Variants in PDXDC1 observed in about 807,000 individuals in gnomAD.
The protein encoded by PDXDC1 is pyridoxal-dependent decarboxylase domain-containing protein 1.
A neutral mutation model predicts 100.1 loss-of-function variants in PDXDC1; 42 were observed. The observed-to-expected ratio is 0.42, with a 90% CI of 0.33 to 0.54. The LOEUF is 0.54. Ranked by LOEUF, PDXDC1 falls within the 20% of genes least tolerant of loss-of-function variation. The pLI, the probability that PDXDC1 is intolerant of heterozygous loss-of-function variation, is 0.10. For missense variants in PDXDC1, 636 were observed against 979.2 expected, an observed-to-expected ratio of 0.65 and a Z score of 4.68; for synonymous variants, 260 against 371.7, an observed-to-expected ratio of 0.70 and a Z score of 3.46.
chr16:15,094,496 C>T (rs2046280987), intron 16 of PDXDC1: 2 of 539,076 alleles, frequency 3.7e-6, no homozygotes, highest in Non-Finnish European at 6.5e-6. Flanking sequence ...CTGAGGATCC[C>T]GAAGAAAGGG....
chr16:15,003,463 G>T, intron 4 of PDXDC1, among the ~76,000 whole-genome samples: 1 of 152,140 alleles, frequency 6.6e-6, no homozygotes, highest in East Asian at 1.9e-4. Context: ...TGATCCGCCC[G>T]CCTTGGCCTC....
At chr16:15,128,217 C>T (rs775279651) in intron 16 of PDXDC1, 3 of 1,611,288 alleles carry the variant, frequency 1.9e-6, no homozygotes, top group East Asian at 2.2e-5. Context: ...AGGGTCCGCA[C>T]AGACCTTTGT....
chr16:15,064,059 T>C (rs60983572), intron 16 of PDXDC1, among the ~76,000 whole-genome samples: 15,615 of 152,272 alleles, frequency 0.1, 949 homozygotes, highest in East Asian at 0.24. Flanking sequence ...ATGATGCTGC[T>C]AGTTATTTTA....
intron 16 of PDXDC1, chr16:15,133,232 A>T: frequency 7.3e-7 from 1 of 1,366,132 alleles, no homozygotes; most frequent in Non-Finnish European, 1.0e-6. Flanking sequence ...CGCATGCAGC[A>T]GATGTGAGGT....
intron 16 of PDXDC1, among the ~76,000 whole-genome samples, chr16:15,096,661 C>G (rs1187339736): frequency 6.6e-6 from 1 of 152,238 alleles, no homozygotes; most frequent in African/African-American, 2.4e-5. Flanking sequence ...AATAGCAAAA[C>G]AGCAATCTGA....
the PDXDC1 span, among the ~76,000 whole-genome samples, chr16:15,148,857 C>G: frequency 1.3e-4 from 20 of 152,170 alleles, no homozygotes; most frequent in Non-Finnish European, 2.9e-4. Flanking sequence ...AAAGCCTCCC[C>G]ATCCCTTCCC....
intron 16 of PDXDC1, among the ~76,000 whole-genome samples, chr16:15,066,194 C>T (rs1223335032): frequency 6.6e-6 from 1 of 152,164 alleles, no homozygotes; most frequent in Non-Finnish European, 1.5e-5. Context: ...GAGGACACAT[C>T]AGCAAAACCA....
chr16:15,076,930 C>T (rs1241600314), intron 16 of PDXDC1, among the ~76,000 whole-genome samples: 2 of 151,724 alleles, frequency 1.3e-5, no homozygotes, highest in African/African-American at 4.8e-5. Flanking sequence ...ACAAATTCAA[C>T]ATTTATTCTA....
intron 1 of PDXDC1, among the ~76,000 whole-genome samples, chr16:14,978,082 C>T: frequency 6.6e-6 from 1 of 151,970 alleles, no homozygotes. Flanking sequence ...ATAACAGAGC[C>T]ATTTTCTCGT....
rs2043087940 is a variant in PDXDC1 at position 15,031,907 on chromosome 16, G to A, written c.1571+1G>A. On this transcript the variant is annotated splice_donor_variant, in intron 17 of 22. Transcript: ENST00000396410. LOFTEE classifies it high-confidence loss of function. Reference sequence around the variant, plus strand: ...ACTGGTCTGGAATAGGGGTTGTCAGGTAAAGTCTTGGCCTGCCGCTTGATG... The same window carrying A: ...ACTGGTCTGGAATAGGGGTTGTCAGATAAAGTCTTGGCCTGCCGCTTGATG... 3 of 1,599,448 alleles carry A rather than the reference G, an allele frequency of 1.9e-6. No individual in the cohort carries two copies. Among genetic ancestry groups the A allele is most frequent in the Non-Finnish European group, 2.6e-6 (3 of 1,171,262 alleles).
Position 15,037,714 on chromosome 16 carries a change from T to TTACAAAA in PDXDC1, c.*1440_*1446dup, listed in dbSNP as rs966986222. ...CAGTGAATTCAGTTTATAAATCTTA[T>TTACAAAA]TACAAAAGACTTACCCACGTACCTG... On this transcript the variant is annotated 3_prime_UTR_variant, in exon 23 of 23. Transcript: ENST00000396410. The TTACAAAA allele has an allele frequency of 4.5e-6, 1 of 221,612 alleles. No homozygotes were observed. The highest frequency in any genetic ancestry group is 9.9e-5 in the East Asian group (1 of 10,084). The allele number at this position is 221,612 out of a possible 1,614,324, so 13.7% of individuals were successfully genotyped here.
downstream of PDXDC1, among the ~76,000 whole-genome samples, chr16:15,144,172 GA>G (rs1263063843): frequency 6.6e-6 from 1 of 152,198 alleles, no homozygotes; most frequent in Non-Finnish European, 1.5e-5. Context: ...CCAGGGTGAG[GA>G]AATGGGGTGC....
intron 16 of PDXDC1, among the ~76,000 whole-genome samples, chr16:15,059,869 C>T (rs751891853): frequency 1.3e-5 from 2 of 152,002 alleles, no homozygotes; most frequent in Non-Finnish European, 2.9e-5. Flanking sequence ...ATAGTGCACA[C>T]GGAAACCATC....
intron 16 of PDXDC1, among the ~76,000 whole-genome samples, chr16:15,079,356 G>A (rs145059986): frequency 4.1e-4 from 63 of 152,244 alleles, no homozygotes; most frequent in African/African-American, 1.5e-3. Context: ...CTTAAGAAAG[G>A]CCAAACAGGA....
chr16:15,076,847 A>G (rs2045477577), intron 16 of PDXDC1, among the ~76,000 whole-genome samples: 2 of 152,170 alleles, frequency 1.3e-5, no homozygotes, highest in Admixed American at 6.5e-5. Flanking sequence ...AATATAATAA[A>G]CCAAGCCCCT....
rs1050825037 is a variant in PDXDC1 at position 15,080,233 on chromosome 16, A to T, written c.1399+50177A>T. ...AAACAGACTATCCAGCAATACAAAA[A>T]CTATACTGTTTCTACATGTATTATG... On this transcript the variant is annotated intron_variant, in intron 16 of 16. Transcript: ENST00000535621. The T allele has an allele frequency of 1.3e-5, 15 of 1,119,282 alleles. No individual in the cohort carries two copies. The Admixed American group carries it at 4.0e-4, about 30-fold the overall frequency. 69.3% of individuals were successfully genotyped at this position (1,119,282 alleles called of 1,614,324 possible).
At chr16:15,007,748 G>C (rs916840885) in intron 6 of PDXDC1, among the ~76,000 whole-genome samples, 1 of 152,270 alleles carries the variant, frequency 6.6e-6, no homozygotes, top group African/African-American at 2.4e-5. Flanking sequence ...ATAATCCTCT[G>C]AAACGTGAAA....
chr16:14,975,455 C>A (rs1229124439), intron 1 of PDXDC1: 213 of 985,232 alleles, frequency 2.2e-4, no homozygotes, highest in Non-Finnish European at 2.4e-4. Flanking sequence ...CGGTGGGGGC[C>A]GCGACGGGCC....
At chr16:15,101,327 T>A (rs1025662473) in intron 16 of PDXDC1, among the ~76,000 whole-genome samples, 9 of 152,218 alleles carry the variant, frequency 5.9e-5, no homozygotes, top group African/African-American at 1.9e-4. Context: ...TTTGTTTGTT[T>A]GTTTTTTGAG....
Sources: allele counts gnomAD v4.1 joint callset (sites outside exome capture counted in the v4.1 genomes callset), GRCh38; gene constraint gnomAD v4.1.1; transcripts MANE v1.5; gene names NCBI Gene and HGNC (gene_info 2026-07-23, HGNC 2026-07-21).